Variants in MAPK8IP1 observed in about 807,000 individuals in gnomAD.
The protein encoded by MAPK8IP1 is C-Jun-amino-terminal kinase-interacting protein 1.
MAPK8IP1 carries 17 observed loss-of-function variants against 72.6 expected under a neutral mutation model. The ratio of observed to expected loss-of-function variants is 0.23; its 90% CI spans 0.16 to 0.35. The LOEUF (loss-of-function observed/expected upper bound fraction) is 0.35, where lower values mean the gene tolerates loss of function less well. Among genes scored for constraint, MAPK8IP1 ranks in the 10% least tolerant of loss-of-function variants. MAPK8IP1 has a pLI of 1.00. For missense variants in MAPK8IP1, 789 were observed against 1,009.7 expected (o/e 0.78, Z 2.96); for synonymous variants, 401 against 443.4 (o/e 0.90, Z 1.20).
chr11:45,902,629 A>C lies in MAPK8IP1; in HGVS notation c.862A>C (p.Arg288=). ...GGAGATCTACCTGACCCCAGTGCAGAGGCCCCCAGACGCTGCAGAGCCCAC... is the reference window on the plus strand; with the variant it reads ...GGAGATCTACCTGACCCCAGTGCAGCGGCCCCCAGACGCTGCAGAGCCCAC... ...TEEIYLTPVQ[R]PPDAAEPTSA... Residue 288 remains arginine, a synonymous_variant, in exon 5 of 12, where the codon AGG becomes CGG. Transcript: ENST00000241014. This position sits in a 1 kb window ranked among gnomAD's most constrained non-coding sequence, Gnocchi z 9.3. The C allele has an allele frequency of 1.2e-6, 2 of 1,612,928 alleles. No homozygotes were observed. Among genetic ancestry groups the C allele is most frequent in the Non-Finnish European group, 1.7e-6 (2 of 1,179,924 alleles).
In MAPK8IP1 at chr11:45,896,865, C is replaced by T. The variant is rs1027043525; in HGVS notation, c.102-1220C>T. On this transcript the variant is annotated intron_variant, in intron 1 of 11. Coordinates refer to ENST00000241014, the MANE Select transcript of MAPK8IP1 (RefSeq NM_005456.4). ...CCCTGGGGCCCCGCAGCCCCCCGGC[C>T]GGGCAGGGCTCTCCATGCAGCTGGT... The T allele has an allele frequency of 3.9e-6, 6 of 1,550,032 alleles. No homozygotes were observed. The African/African-American group carries it at 4.1e-5, about 11-fold the overall frequency.
At position 45,898,078 on chromosome 11, in the gene MAPK8IP1, C is replaced by T. The variant is rs777897758; in HGVS notation, c.102-7C>T. 4 of 1,602,744 alleles carry T rather than the reference C, an allele frequency of 2.5e-6. No homozygotes were observed. The highest frequency in any genetic ancestry group is 2.6e-6 in the Non-Finnish European group (3 of 1,170,116). Reference sequence around the variant, plus strand: ...GAGTTGTAACTTTGGCTTCCTGTCCCCACCAGGCTCACCCATGACATCAGC... The same window carrying T: ...GAGTTGTAACTTTGGCTTCCTGTCCTCACCAGGCTCACCCATGACATCAGC... On this transcript the variant is annotated splice_region_variant and splice_polypyrimidine_tract_variant and intron_variant, in intron 1 of 11. Coordinates refer to ENST00000241014, the MANE Select transcript of MAPK8IP1 (RefSeq NM_005456.4).
intron 1 of MAPK8IP1, among the ~76,000 whole-genome samples, chr11:45,890,694 T>G (rs1057324568): frequency 6.6e-6 from 1 of 151,580 alleles, no homozygotes; most frequent in Non-Finnish European, 1.5e-5. Flanking sequence ...CCTTGGTGGG[T>G]GGGGTGTCCA....
At chr11:45,886,385 C>G (rs1391538581) in intron 1 of MAPK8IP1, among the ~76,000 whole-genome samples, 1 of 152,236 alleles carries the variant, frequency 6.6e-6, no homozygotes, top group Non-Finnish European at 1.5e-5. Context: ...CTCCCCGAGC[C>G]CTGCCTGGCC....
rs1470446655 is a variant in MAPK8IP1 at position 45,902,431 on chromosome 11, G to C, written c.664G>C (p.Gly222Arg). The C allele has an allele frequency of 3.2e-6, 5 of 1,586,754 alleles. No individual in the cohort carries two copies. The highest frequency in any genetic ancestry group is 3.4e-6 in the Non-Finnish European group (4 of 1,167,878). ...CLSDELPPQS[G>R]PAPTTDRGTS... ...GAGCGATGAGCTGCCCCCCCAGAGC[G>C]GCCCCGCCCCCACCACAGATCGAGG... The change falls in exon 5 of 12, where the codon GGC becomes CGC. Residue 222 changes from glycine to arginine, a missense_variant. Around this residue, in one of 4 missense-constraint regions of MAPK8IP1, gnomAD observed 377 missense variants for 411.7 expected, o/e 0.92. Transcript: ENST00000241014. This position sits in a 1 kb window ranked among gnomAD's most constrained non-coding sequence, Gnocchi z 9.3.
In MAPK8IP1 at chr11:45,903,503, C is replaced by T. The variant is rs1348627250; in HGVS notation, c.1493+63C>T. ...AGTTTGGGCCACACACCACCCTCTACTTGTCACCCCTACATGGCCTCAGCC... is the reference window on the plus strand; with the variant it reads ...AGTTTGGGCCACACACCACCCTCTATTTGTCACCCCTACATGGCCTCAGCC... On this transcript the variant is annotated intron_variant, in intron 6 of 11. Transcript: ENST00000241014. The surrounding 1 kb of genome is among the most constrained non-coding windows in gnomAD (Gnocchi z 6.4). 1 of 1,383,816 alleles carries T rather than the reference C, an allele frequency of 7.2e-7. No individual in the cohort carries two copies. The highest frequency in any genetic ancestry group is 1.0e-6 in the Non-Finnish European group (1 of 995,502). The allele number at this position is 1,383,816 out of a possible 1,614,324, so 85.7% of individuals were successfully genotyped here.
intron 1 of MAPK8IP1, among the ~76,000 whole-genome samples, chr11:45,891,741 T>G (rs1426959649): frequency 6.6e-6 from 1 of 152,264 alleles, no homozygotes; most frequent in Non-Finnish European, 1.5e-5. Flanking sequence ...GTCTTTTTGC[T>G]CATTTTATTA....
At position 45,905,509 on chromosome 11, in the gene MAPK8IP1, A is replaced by G. The variant is rs914483140; in HGVS notation, c.2064-140A>G. On this transcript the variant is annotated intron_variant, in intron 11 of 11. Transcript: ENST00000241014. ...GAAACGCGATGGCAATTCTGTAGAGAACAGAGCCAAGTGGCCCCAGCCAGA... is the reference window on the plus strand; with the variant it reads ...GAAACGCGATGGCAATTCTGTAGAGGACAGAGCCAAGTGGCCCCAGCCAGA... The G allele has an allele frequency of 2.6e-5, 22 of 834,904 alleles. No homozygotes were observed. In the African/African-American group the frequency reaches 3.5e-4, roughly 13 times the overall value. The allele number at this position is 834,904 out of a possible 1,614,324, so 51.7% of individuals were successfully genotyped here. A position where few individuals can be genotyped will look rare whatever the true frequency, so the allele number is the denominator to read the frequency against.
At chr11:45,898,013 G>A (rs1157382085) in intron 1 of MAPK8IP1, 72 bp from the exon 2 acceptor site, 11 of 918,338 alleles carry the variant, frequency 1.2e-5, no homozygotes, top group Non-Finnish European at 1.6e-5. Flanking sequence ...CTGCACCCTG[G>A]AAGAGGTAAC....
rs1302886937 is a variant in MAPK8IP1 at position 45,905,979 on chromosome 11, A to G, written c.*258A>G. On this transcript the variant is annotated 3_prime_UTR_variant, in exon 12 of 12. Coordinates refer to ENST00000241014, the MANE Select transcript of MAPK8IP1 (RefSeq NM_005456.4). ...GGATTGGGAGGGACAGGGCTTGGGG[A>G]GCAGGTCTCTGGCAGAGAAGGATGT... 1.7e-6 allele frequency: 1 copy of G among 581,272 alleles called. No individual in the cohort carries two copies. The highest frequency in any genetic ancestry group is 1.9e-5 in the African/African-American group (1 of 53,458). 36.0% of individuals were successfully genotyped at this position (581,272 alleles called of 1,614,324 possible).
chr11:45,895,477 A>G (rs1590784046), intron 1 of MAPK8IP1, among the ~76,000 whole-genome samples: 1 of 151,884 alleles, frequency 6.6e-6, no homozygotes, highest in African/African-American at 2.4e-5. Flanking sequence ...AAAATTAACC[A>G]GGTATGGTGA....
intron 1 of MAPK8IP1, among the ~76,000 whole-genome samples, chr11:45,894,715 G>C (rs2086590823): frequency 6.6e-6 from 1 of 152,214 alleles, no homozygotes; most frequent in African/African-American, 2.4e-5. Flanking sequence ...CTCAGTGTAT[G>C]CAGGATGAAC....
At chr11:45,897,460 C>T (rs2086617581) in intron 1 of MAPK8IP1, among the ~76,000 whole-genome samples, 1 of 152,204 alleles carries the variant, frequency 6.6e-6, no homozygotes, top group Non-Finnish European at 1.5e-5. Flanking sequence ...AGGGTCCTTA[C>T]ACTGGATAAG....
In MAPK8IP1 at chr11:45,905,811, G is replaced by A. The variant is rs1358101690; in HGVS notation, c.*90G>A. On this transcript the variant is annotated 3_prime_UTR_variant, in exon 12 of 12. Transcript: ENST00000241014. ...CAGGATGTGGCACTGCTTGAGGAGG[G>A]GCACCTGCCACCGCCAGAGGACAAG... 1 of 1,288,562 alleles carries A rather than the reference G, an allele frequency of 7.8e-7. No homozygotes were observed. Among genetic ancestry groups the A allele is most frequent in the African/African-American group, 1.5e-5 (1 of 68,798 alleles). The allele number at this position is 1,288,562 out of a possible 1,614,324, so 79.8% of individuals were successfully genotyped here.
chr11:45,889,471 G>A (rs995388296), intron 1 of MAPK8IP1, among the ~76,000 whole-genome samples: 2 of 152,186 alleles, frequency 1.3e-5, no homozygotes, highest in African/African-American at 4.8e-5. Flanking sequence ...GAAAACTCTA[G>A]AAAAGAGAAT....
rs2086659042 is a variant in MAPK8IP1 at position 45,902,193 on chromosome 11, C to T, written c.604+132C>T. On this transcript the variant is annotated intron_variant, in intron 4 of 11. Coordinates refer to ENST00000241014, the MANE Select transcript of MAPK8IP1 (RefSeq NM_005456.4). The surrounding 1 kb of genome is among the most constrained non-coding windows in gnomAD (Gnocchi z 9.3). ...GCCCACCCACATCCCTGCACGAGCCCATCCAGGGGCTGAGATCAGTGGTGG... is the reference window on the plus strand; with the variant it reads ...GCCCACCCACATCCCTGCACGAGCCTATCCAGGGGCTGAGATCAGTGGTGG... 6 of 1,010,668 alleles carry T rather than the reference C, an allele frequency of 5.9e-6. No homozygotes were observed. The highest frequency in any genetic ancestry group is 3.6e-5 in the Admixed American group (2 of 56,162). 62.6% of individuals were successfully genotyped at this position (1,010,668 alleles called of 1,614,324 possible).
Position 45,900,160 on chromosome 11 carries a change from C to G in MAPK8IP1, c.230C>G (p.Ser77Cys). Reference sequence around the variant, plus strand: ...CAGCCCCCGCGCGCCGGGCTGCTCTCTGCGGGCGGCGGCGGCGCGGGGAGC... The same window carrying G: ...CAGCCCCCGCGCGCCGGGCTGCTCTGTGCGGGCGGCGGCGGCGCGGGGAGC... The part of the protein sequence containing the change: ...SLRPPRAGLL[S>C]AGGGGAGSRL... The change falls in exon 3 of 12, where the codon TCT (serine) becomes TGT (cysteine). Residue 77 changes from serine (S) to cysteine (C), a missense_variant. Around this residue, in one of 4 missense-constraint regions of MAPK8IP1, gnomAD observed 112 missense variants for 111.8 expected, o/e 1.00. Coordinates refer to ENST00000241014, the MANE Select transcript of MAPK8IP1 (RefSeq NM_005456.4). This position sits in a 1 kb window ranked among gnomAD's most constrained non-coding sequence, Gnocchi z 6.5. 1 of 1,306,472 alleles carries G rather than the reference C, an allele frequency of 7.7e-7. No individual in the cohort carries two copies. Among genetic ancestry groups the G allele is most frequent in the Non-Finnish European group, 9.7e-7 (1 of 1,034,832 alleles). 80.9% of individuals were successfully genotyped at this position (1,306,472 alleles called of 1,614,324 possible). A position where few individuals can be genotyped will look rare whatever the true frequency, so the allele number is the denominator to read the frequency against.
At chr11:45,888,706 T>C (rs572587108) in intron 1 of MAPK8IP1, among the ~76,000 whole-genome samples, 1 of 152,210 alleles carries the variant, frequency 6.6e-6, no homozygotes, top group African/African-American at 2.4e-5. Flanking sequence ...ATACTTTTTT[T>C]TTTTGAGACA....
chr11:45,896,510 C>T (rs563513574), intron 1 of MAPK8IP1: 3 of 1,063,106 alleles, frequency 2.8e-6, no homozygotes, highest in Admixed American at 4.8e-5. Flanking sequence ...ACTCAGCCCC[C>T]GACAGGGGCA....
Sources: allele counts gnomAD v4.1 joint callset (sites outside exome capture counted in the v4.1 genomes callset), GRCh38; gene constraint gnomAD v4.1.1; regional missense constraint gnomAD v4.1.1; non-coding constraint Gnocchi (gnomAD v3.1); transcripts MANE v1.5; gene names NCBI Gene and HGNC (gene_info 2026-07-23, HGNC 2026-07-21).